The following TRPC7 variants were observed in gnomAD, a reference collection of about 807,000 sequenced individuals.
TRPC7 encodes transient receptor potential cation channel subfamily C member 7.
In TRPC7, 42 loss-of-function variants were observed where a neutral mutation model predicts 90.1. The observed-to-expected ratio is 0.47, with a 90% CI of 0.36 to 0.60. The LOEUF (loss-of-function observed/expected upper bound fraction) is 0.60, where lower values mean the gene tolerates loss of function less well. Among genes scored for constraint, TRPC7 ranks in the 20% least tolerant of loss-of-function variants. The pLI is 0.00. For synonymous variants in TRPC7, 451 were observed against 436.3 expected, an observed-to-expected ratio of 1.03 and a Z score of -0.42; for missense variants, 955 against 1,112.3, an observed-to-expected ratio of 0.86 and a Z score of 2.01.
chr5:136,280,153 C>G (rs1390877195), intron 3 of TRPC7, among the ~76,000 whole-genome samples: 1 of 151,916 alleles, frequency 6.6e-6, no homozygotes, highest in Non-Finnish European at 1.5e-5. Context: ...GATCAAGACT[C>G]TGTCAAAAAC....
At chr5:136,352,467 C>A (rs1180370918) in intron 2 of TRPC7, among the ~76,000 whole-genome samples, 1 of 152,004 alleles carries the variant, frequency 6.6e-6, no homozygotes, top group Non-Finnish European at 1.5e-5. Flanking sequence ...CCAATTTTAT[C>A]ATAAAGATGA....
intron 4 of TRPC7, 58 bp downstream of exon 4, chr5:136,274,615 C>T: frequency 7.0e-7 from 1 of 1,423,088 alleles, no homozygotes; most frequent in African/African-American, 1.5e-5. Context: ...GATTTCAGAT[C>T]ATGCTAAGAA....
intron 7 of TRPC7, among the ~76,000 whole-genome samples, chr5:136,232,621 G>T (rs1755853127): frequency 6.6e-6 from 1 of 152,162 alleles, no homozygotes; most frequent in South Asian, 2.1e-4. Context: ...ACTGCTCTTT[G>T]GCCCTTTTGA....
At chr5:136,248,258 T>C (rs1300783259) in intron 6 of TRPC7, among the ~76,000 whole-genome samples, 1 of 152,224 alleles carries the variant, frequency 6.6e-6, no homozygotes, top group African/African-American at 2.4e-5. Context: ...ATCCACCTAC[T>C]GGCCACATGA....
intron 6 of TRPC7, 74 bp downstream of exon 6, chr5:136,251,572 TCAC>T: frequency 1.7e-6 from 2 of 1,196,806 alleles, no homozygotes; most frequent in Non-Finnish European, 1.2e-6. Context: ...CGTTACAAGT[TCAC>T]CAGCCACAGT....
intron 4 of TRPC7, among the ~76,000 whole-genome samples, chr5:136,273,938 G>A (rs1205990038): frequency 6.6e-6 from 1 of 152,196 alleles, no homozygotes; most frequent in African/African-American, 2.4e-5. Flanking sequence ...TGGGGATGGT[G>A]GAGCCGCTAG....
intron 2 of TRPC7, among the ~76,000 whole-genome samples, chr5:136,332,422 G>A (rs1253753556): frequency 1.3e-5 from 2 of 152,252 alleles, no homozygotes; most frequent in African/African-American, 2.4e-5. Context: ...CTTCAAGGAG[G>A]AGAGTTGACA....
At chr5:136,274,421 T>A (rs1757295180) in intron 4 of TRPC7, among the ~76,000 whole-genome samples, 1 of 152,148 alleles carries the variant, frequency 6.6e-6, no homozygotes, top group Non-Finnish European at 1.5e-5. Flanking sequence ...CTGTTACTGA[T>A]CTTTTCAAAT....
chr5:136,306,272 C>T (rs982334037), intron 3 of TRPC7, among the ~76,000 whole-genome samples: 2 of 152,190 alleles, frequency 1.3e-5, no homozygotes, highest in Non-Finnish European at 2.9e-5. Context: ...CCTCCTAATT[C>T]TTAGACCTTT....
intron 2 of TRPC7, among the ~76,000 whole-genome samples, chr5:136,327,920 A>C (rs983451146): frequency 2.0e-5 from 3 of 152,316 alleles, no homozygotes; most frequent in African/African-American, 7.2e-5. Context: ...ATTAATTAAA[A>C]CTGGAATCAT....
chr5:136,224,468 T>C (rs1755562721), intron 10 of TRPC7, among the ~76,000 whole-genome samples: 1 of 152,174 alleles, frequency 6.6e-6, no homozygotes, highest in South Asian at 2.1e-4. Context: ...GACAGAAACC[T>C]GTGAGCCATG....
At chr5:136,323,711 C>T (rs1255090053) in intron 2 of TRPC7, among the ~76,000 whole-genome samples, 1 of 152,128 alleles carries the variant, frequency 6.6e-6, no homozygotes, top group Non-Finnish European at 1.5e-5. Flanking sequence ...TCACTAATTC[C>T]CACTGTCTTT....
intron 2 of TRPC7, among the ~76,000 whole-genome samples, chr5:136,323,378 G>T (rs576299925): frequency 6.6e-6 from 1 of 152,198 alleles, no homozygotes; most frequent in South Asian, 2.1e-4. Context: ...TTTTTGTTAT[G>T]CTTTTTATGT....
chr5:136,234,930 C>T (rs965404252), intron 7 of TRPC7, among the ~76,000 whole-genome samples: 3 of 152,010 alleles, frequency 2.0e-5, no homozygotes, highest in African/African-American at 7.3e-5. Context: ...AATATTTTAT[C>T]CATAGTTCAA....
intron 2 of TRPC7, among the ~76,000 whole-genome samples, chr5:136,329,988 C>T (rs1487660306): frequency 1.3e-5 from 2 of 152,174 alleles, no homozygotes; most frequent in Non-Finnish European, 2.9e-5. Context: ...CATACACATA[C>T]CCACACACCA....
chr5:136,342,243 G>T (rs1024119291), intron 2 of TRPC7, among the ~76,000 whole-genome samples: 3 of 152,194 alleles, frequency 2.0e-5, no homozygotes, highest in Non-Finnish European at 2.9e-5. Flanking sequence ...GGCTGGGCTG[G>T]TACGTAGATG....
At chr5:136,348,370 C>A (rs560392264) in intron 2 of TRPC7, among the ~76,000 whole-genome samples, 2 of 152,352 alleles carry the variant, frequency 1.3e-5, no homozygotes, top group African/African-American at 4.8e-5. Flanking sequence ...TTTCATGTGT[C>A]ATTTCCACAC....
chr5:136,289,099 G>C (rs1360523529), intron 3 of TRPC7, among the ~76,000 whole-genome samples: 2 of 152,098 alleles, frequency 1.3e-5, no homozygotes, highest in Non-Finnish European at 2.9e-5. Flanking sequence ...TCCCAAAATG[G>C]GCCCCAAAAT....
At chr5:136,309,362 C>T (rs887113321) in intron 3 of TRPC7, among the ~76,000 whole-genome samples, 5 of 152,220 alleles carry the variant, frequency 3.3e-5, no homozygotes, top group African/African-American at 1.2e-4. Context: ...TACTGCTCAG[C>T]TCCCTCTCCC....
Sources: allele counts gnomAD v4.1 joint callset (sites outside exome capture counted in the v4.1 genomes callset), GRCh38; gene constraint gnomAD v4.1.1; transcripts MANE v1.5; gene names NCBI Gene and HGNC (gene_info 2026-07-23, HGNC 2026-07-21).